YBX3: variants seen among roughly 807,000 people sequenced by gnomAD.
YBX3 encodes the protein Y-box binding protein 3.
In YBX3, 29 loss-of-function variants were observed where a neutral mutation model predicts 42.4. The observed-to-expected ratio is 0.68, with a 90% CI of 0.51 to 0.93. The LOEUF is 0.93. YBX3 is among the 40% of genes least tolerant of loss of function. The probability of loss-of-function intolerance (pLI) is 0.00; values close to 1 mark genes in which losing one functional copy is unlikely to be tolerated. For synonymous variants in YBX3, 195 were observed against 189.8 expected (o/e 1.03, Z -0.22); for missense variants, 517 against 527.5 (o/e 0.98, Z 0.19).
intron 7 of YBX3, chr12:10,702,391 C>T (rs1054163699): frequency 4.6e-6 from 1 of 215,362 alleles, no homozygotes. Context: ...CGTGGTGGCA[C>T]ATGCCTGTAA....
rs1403760237 is a variant in YBX3, at chr12:10,702,107, G to T, written c.906C>A (p.Ala302=). 1 of 1,614,114 alleles carries T rather than the reference G, an allele frequency of 6.2e-7. No individual in the cohort carries two copies. ...RSRGPPRPRP[A]PAVGEAEDKE... ...TATCTTCAGCCTCTCCAACTGCTGG[G>T]GCAGGTCGTGGGCGAGGAGGTCCCC... The change falls in exon 8 of 10, where the codon GCC becomes GCA. Residue 302 remains alanine, a synonymous_variant. Coordinates refer to ENST00000228251, the MANE Select transcript of YBX3 (RefSeq NM_003651.5).
chr12:10,709,816 G>T, intron 6 of YBX3, 92 bp downstream of exon 6: 1 of 1,478,864 alleles, frequency 6.8e-7, no homozygotes, highest in Non-Finnish European at 9.4e-7. Context: ...CAAGGTTTCT[G>T]GCAGCTGATG....
Position 10,709,711 on chromosome 12 carries a change from G to A in YBX3, c.780+197C>T, listed in dbSNP as rs561748317. On this transcript the variant is annotated intron_variant, in intron 6 of 9. Coordinates refer to ENST00000228251, the MANE Select transcript of YBX3 (RefSeq NM_003651.5). Reference sequence around the variant, plus strand: ...GTTCCCTATTATAGGCATGGATCACGTGGTTTTGCTTTTAGAAGTGTTACC... The same window carrying A: ...GTTCCCTATTATAGGCATGGATCACATGGTTTTGCTTTTAGAAGTGTTACC... Among the ~76,000 whole-genome samples, 4 of 152,308 alleles carry A rather than the reference G, an allele frequency of 2.6e-5. No individual in the cohort carries two copies. The South Asian group carries it at 6.2e-4, about 24-fold the overall frequency.
At chr12:10,721,298 T>C (rs1416155570) in intron 1 of YBX3, among the ~76,000 whole-genome samples, 1 of 152,202 alleles carries the variant, frequency 6.6e-6, no homozygotes, top group East Asian at 1.9e-4. Context: ...TTGAGGAAAT[T>C]AACCTTCATT....
rs1948053811 is a variant in YBX3 at position 10,699,342 on chromosome 12, A to G, written c.*347T>C. The G allele has an allele frequency of 6.6e-6, 1 of 152,538 alleles. No individual in the cohort carries two copies. The highest frequency in any genetic ancestry group is 2.4e-5 in the African/African-American group (1 of 41,424). 9.4% of individuals were successfully genotyped at this position (152,538 alleles called of 1,614,324 possible). On this transcript the variant is annotated 3_prime_UTR_variant, in exon 10 of 10. Coordinates refer to ENST00000228251, the MANE Select transcript of YBX3 (RefSeq NM_003651.5). ...TTGGGGTTCTCCCCATGTGGTATTA[A>G]TATTTCTTGTTTCAATATATATATT...
chr12:10,717,261 G>C (rs1255453952), intron 3 of YBX3, among the ~76,000 whole-genome samples: 2 of 152,148 alleles, frequency 1.3e-5, no homozygotes, highest in Admixed American at 1.3e-4. Context: ...GATGTATTCT[G>C]GATTTCTGCA....
chr12:10,723,275 C>G lies in YBX3; in HGVS notation c.-164G>C. On this transcript the variant is annotated 5_prime_UTR_variant, in exon 1 of 10. Coordinates refer to ENST00000228251, the MANE Select transcript of YBX3 (RefSeq NM_003651.5). Reference sequence around the variant, plus strand: ...GTGGGGTCGCGCGGCGGAGGCGGCTCGAGCTTCGTGCTGCGCGCTCTCTCT... The same window carrying G: ...GTGGGGTCGCGCGGCGGAGGCGGCTGGAGCTTCGTGCTGCGCGCTCTCTCT... 1 of 1,105,352 alleles carries G rather than the reference C, an allele frequency of 9.0e-7. No homozygotes were observed. The highest frequency in any genetic ancestry group is 1.1e-6 in the Non-Finnish European group (1 of 891,244). The allele number at this position is 1,105,352 out of a possible 1,614,324, so 68.5% of individuals were successfully genotyped here.
At chr12:10,719,202 T>C in intron 1 of YBX3, 59 bp from the exon 2 acceptor site, 3 of 1,394,172 alleles carry the variant, frequency 2.2e-6, no homozygotes, top group Admixed American at 1.8e-5. Flanking sequence ...ATAGCTCATA[T>C]CACTAAGATC....
chr12:10,719,349 C>T lies in YBX3; in HGVS notation c.263-206G>A, dbSNP rs149266835. 1.1e-3 allele frequency among the ~76,000 whole-genome samples: 175 copies of T among 152,258 alleles called. 1 individual carries two copies. Among genetic ancestry groups the T allele is most frequent in the African/African-American group, 4.0e-3 (168 of 41,556 alleles). ...TTTTCAGAAGACTAAACCTTTCTTC[C>T]TTATTCAACTTTTCAGGAAACTCGC... On this transcript the variant is annotated intron_variant, in intron 1 of 9. Transcript: ENST00000228251.
chr12:10,706,320 C>A (rs944824685), intron 6 of YBX3, among the ~76,000 whole-genome samples: 6 of 152,170 alleles, frequency 3.9e-5, no homozygotes, highest in Admixed American at 3.3e-4. Context: ...CAGCTACTAC[C>A]CCATTTCTTT....
chr12:10,717,539 G>A (rs1380920446), intron 3 of YBX3, among the ~76,000 whole-genome samples: 2 of 152,170 alleles, frequency 1.3e-5, no homozygotes, highest in Non-Finnish European at 2.9e-5. Flanking sequence ...TCTATTTCCT[G>A]CAAATCTAAG....
Position 10,713,400 on chromosome 12 carries a change from T to C in YBX3, c.451-67A>G, listed in dbSNP as rs191302132. 5.8e-5 allele frequency: 91 copies of C among 1,563,524 alleles called. No homozygotes were observed. The Admixed American group carries it at 1.4e-3, about 23-fold the overall frequency. On this transcript the variant is annotated intron_variant, in intron 4 of 9. Transcript: ENST00000228251. Reference sequence around the variant, plus strand: ...TATACACTAACTCAAAAAACAGCCTTGGACTGCTAGAGTATAAGACTGGCA... The same window carrying C: ...TATACACTAACTCAAAAAACAGCCTCGGACTGCTAGAGTATAAGACTGGCA...
chr12:10,712,314 T>G (rs1397345316), intron 5 of YBX3: 1 of 152,192 alleles, frequency 6.6e-6, no homozygotes, highest in Non-Finnish European at 1.5e-5. Flanking sequence ...ATCTAGTAAG[T>G]TTCTCATGAC....
Position 10,701,261 on chromosome 12 carries a change from T to C in YBX3, c.*27A>G, listed in dbSNP as rs1446778039. 5.1e-6 allele frequency: 4 copies of C among 778,788 alleles called. No homozygotes were observed. In the Admixed American group the frequency reaches 6.8e-5, roughly 13 times the overall value. 48.2% of individuals were successfully genotyped at this position (778,788 alleles called of 1,614,324 possible). A position where few individuals can be genotyped will look rare whatever the true frequency, so the allele number is the denominator to read the frequency against. On this transcript the variant is annotated 3_prime_UTR_variant, in exon 9 of 10. Coordinates refer to ENST00000228251, the MANE Select transcript of YBX3 (RefSeq NM_003651.5). ...GGCTGCCCCAGCTCTTACCTGCCGA[T>C]GGTGAAGGTGCCTGAGGAGCCTGGT...
intron 2 of YBX3, chr12:10,718,511 CCCCCCA>C: frequency 5.5e-6 from 1 of 182,934 alleles, no homozygotes; most frequent in South Asian, 1.6e-4. Flanking sequence ...CTTAAAACAG[CCCCCCA>C]CCCCCACCCC....
intron 2 of YBX3, chr12:10,718,373 G>C (rs573570332): frequency 9.7e-5 from 40 of 412,660 alleles, no homozygotes; most frequent in African/African-American, 7.9e-4. Flanking sequence ...GAAACATCCC[G>C]TTCCTCTGTC....
chr12:10,716,972 TG>T (rs1317256813), intron 3 of YBX3, among the ~76,000 whole-genome samples: 4 of 152,202 alleles, frequency 2.6e-5, no homozygotes, highest in Admixed American at 1.3e-4. Flanking sequence ...CAGCAACTTC[TG>T]AGGACCTTGA....
At chr12:10,716,738 G>A (rs985513861) in intron 3 of YBX3, among the ~76,000 whole-genome samples, 3 of 152,258 alleles carry the variant, frequency 2.0e-5, no homozygotes, top group South Asian at 2.1e-4. Flanking sequence ...GAAATAGTGA[G>A]CCAACAGAGC....
At chr12:10,718,455 A>G (rs1948288037) in intron 2 of YBX3, 1 of 238,574 alleles carries the variant, frequency 4.2e-6, no homozygotes, top group Non-Finnish European at 8.0e-6. Context: ...CAAGACAGTT[A>G]AAAGGACAGG....
Sources: gnomAD v4.1 joint callset for allele counts (sites outside exome capture counted in the v4.1 genomes callset) on GRCh38, gnomAD v4.1.1 for gene constraint, MANE v1.5 for transcripts, NCBI Gene and HGNC (gene_info 2026-07-23, HGNC 2026-07-21) for gene names.